Variants in GLCCI1 observed in about 807,000 individuals in gnomAD.
GLCCI1 encodes glucocorticoid induced 1.
A neutral mutation model predicts 52.2 loss-of-function variants in GLCCI1; 24 were observed. The observed-to-expected ratio is 0.46, with a 90% CI of 0.33 to 0.65. The LOEUF (loss-of-function observed/expected upper bound fraction) is 0.65, where lower values mean the gene tolerates loss of function less well. Among genes scored for constraint, GLCCI1 ranks in the 30% least tolerant of loss-of-function variants. The probability of loss-of-function intolerance (pLI) is 0.02; values close to 1 mark genes in which losing one functional copy is unlikely to be tolerated. For missense variants in GLCCI1, 704 were observed against 701.5 expected, an observed-to-expected ratio of 1.00 and a Z score of -0.04; for synonymous variants, 310 against 276.5, an observed-to-expected ratio of 1.12 and a Z score of -1.20.
At chr7:8,085,141 G>A in intron 7 of GLCCI1, 124 bp downstream of exon 7, 1 of 1,076,880 alleles carries the variant, frequency 9.3e-7, no homozygotes, top group Admixed American at 2.6e-5. Flanking sequence ...AGCAAATTAT[G>A]TAAAGAGAAT....
intron 1 of GLCCI1, among the ~76,000 whole-genome samples, chr7:7,998,889 G>GC (rs1193426686): frequency 4.0e-5 from 6 of 151,870 alleles, no homozygotes; most frequent in South Asian, 2.1e-4. Flanking sequence ...ATAGGTTGTT[G>GC]CCCCCCAAAA....
intron 5 of GLCCI1, among the ~76,000 whole-genome samples, chr7:8,065,901 G>A (rs1187158493): frequency 6.6e-6 from 1 of 152,148 alleles, no homozygotes; most frequent in East Asian, 1.9e-4. Flanking sequence ...GTATCAGGAT[G>A]ATGTTATCCT....
At position 7,988,359 on chromosome 7, in the gene GLCCI1, A is replaced by G. The variant is rs1043427779; in HGVS notation, c.458-15549A>G. On this transcript the variant is annotated intron_variant, in intron 1 of 7. Transcript: ENST00000223145. ...AGATACTTAGTATCATCAGTGTGAA[A>G]TTACATACCACCTTGCTTTGACAAA... Among the ~76,000 whole-genome samples the G allele has an allele frequency of 2.0e-5, 3 of 152,150 alleles. No individual in the cohort carries two copies. The East Asian group carries it at 5.8e-4, about 29-fold the overall frequency.
At position 8,086,092 on chromosome 7, in the gene GLCCI1, A is replaced by C. The variant is rs979609692; in HGVS notation, c.1299-101A>C. On this transcript the variant is annotated intron_variant, in intron 7 of 7. Coordinates refer to ENST00000223145, the MANE Select transcript of GLCCI1 (RefSeq NM_138426.4). The surrounding 1 kb of genome is among the most constrained non-coding windows in gnomAD (Gnocchi z 4.4). ...GTATACACTTAACCCATCTCCTGCC[A>C]TTTACATTTTAGCTGTTTTAGAGAA... is the stretch of plus-strand genomic sequence containing the variant. The C allele has an allele frequency of 1.2e-5, 12 of 994,154 alleles. No homozygotes were observed. Among genetic ancestry groups the C allele is most frequent in the Non-Finnish European group, 1.5e-5 (10 of 668,722 alleles). The allele number at this position is 994,154 out of a possible 1,614,324, so 61.6% of individuals were successfully genotyped here.
chr7:8,069,850 G>A (rs949723576), intron 5 of GLCCI1, among the ~76,000 whole-genome samples: 5 of 152,198 alleles, frequency 3.3e-5, no homozygotes, highest in Admixed American at 3.3e-4. Context: ...ATCAGAGTAA[G>A]AGCAGTAGAC....
chr7:7,986,935 T>G (rs1015252354), intron 1 of GLCCI1, among the ~76,000 whole-genome samples: 2 of 152,084 alleles, frequency 1.3e-5, no homozygotes, highest in East Asian at 1.9e-4. Flanking sequence ...CATGGTGGGG[T>G]TTTTTTGCAT....
intron 1 of GLCCI1, among the ~76,000 whole-genome samples, chr7:7,994,558 C>A (rs1001005425): frequency 2.0e-5 from 3 of 152,156 alleles, no homozygotes; most frequent in Non-Finnish European, 2.9e-5. Flanking sequence ...TAATAACAAC[C>A]TGCTCTTGTA....
At chr7:8,071,220 TTTGTTCAA>T in intron 6 of GLCCI1, 89 bp downstream of exon 6, 1 of 1,027,828 alleles carries the variant, frequency 9.7e-7, no homozygotes, top group Non-Finnish European at 1.4e-6. Flanking sequence ...TTTTTTTTCT[TTTGTTCAA>T]TGGTGACATT....
intron 1 of GLCCI1, among the ~76,000 whole-genome samples, chr7:7,999,565 C>A (rs778229759): frequency 6.6e-6 from 1 of 151,746 alleles, no homozygotes; most frequent in Non-Finnish European, 1.5e-5. Flanking sequence ...TACGATCACG[C>A]CGGTACACTC....
At position 7,969,317 on chromosome 7, in the gene GLCCI1, T is replaced by C; in HGVS notation, c.-34T>C. The C allele has an allele frequency of 7.4e-7, 1 of 1,352,644 alleles. No individual in the cohort carries two copies. The highest frequency in any genetic ancestry group is 9.6e-7 in the Non-Finnish European group (1 of 1,041,232). The allele number at this position is 1,352,644 out of a possible 1,614,324, so 83.8% of individuals were successfully genotyped here. ...GCGCCTCCCGCCCCGCGCCTCCGTG[T>C]CGGCCGGCGGCGTCCAGGGCCCGCA... On this transcript the variant is annotated 5_prime_UTR_variant, in exon 1 of 8. Coordinates refer to ENST00000223145, the MANE Select transcript of GLCCI1 (RefSeq NM_138426.4). The surrounding 1 kb of genome is among the most constrained non-coding windows in gnomAD (Gnocchi z 4.9).
chr7:8,002,654 A>G (rs1443597064), intron 1 of GLCCI1, among the ~76,000 whole-genome samples: 2 of 152,208 alleles, frequency 1.3e-5, no homozygotes, highest in African/African-American at 2.4e-5. Flanking sequence ...TCAATAATAA[A>G]TGTTTCTTCA....
intron 5 of GLCCI1, among the ~76,000 whole-genome samples, chr7:8,062,483 G>T (rs1256809443): frequency 6.6e-6 from 1 of 152,120 alleles, no homozygotes; most frequent in Non-Finnish European, 1.5e-5. Flanking sequence ...TAACTTTTAG[G>T]TTCAAGGGTA....
rs1464055144 is a variant in GLCCI1 at position 7,969,722 on chromosome 7, C to G, written c.372C>G (p.Ala124=). The G allele has an allele frequency of 7.1e-6, 10 of 1,406,338 alleles. No homozygotes were observed. Among genetic ancestry groups the G allele is most frequent in the Non-Finnish European group, 9.3e-6 (10 of 1,077,500 alleles). 87.1% of individuals were successfully genotyped at this position (1,406,338 alleles called of 1,614,324 possible). A position where few individuals can be genotyped will look rare whatever the true frequency, so the allele number is the denominator to read the frequency against. Residue 124 remains alanine (A), a synonymous_variant, in exon 1 of 8, where the codon GCC becomes GCG. Coordinates refer to ENST00000223145, the MANE Select transcript of GLCCI1 (RefSeq NM_138426.4). This position sits in a 1 kb window ranked among gnomAD's most constrained non-coding sequence, Gnocchi z 4.9. ...AAAPAEQAPR[A]KGRPRRSPES... The stretch of plus-strand genomic sequence containing the variant: ...CCCCGGCCGAGCAGGCGCCGCGGGC[C>G]AAGGGCCGCCCGAGACGGTCCCCAG...
chr7:7,989,032 G>C (rs966744653), intron 1 of GLCCI1, among the ~76,000 whole-genome samples: 1 of 152,074 alleles, frequency 6.6e-6, no homozygotes, highest in Non-Finnish European at 1.5e-5. Flanking sequence ...CTCTGACCAA[G>C]GTCCTAATGG....
chr7:8,071,058 C>G lies in GLCCI1; in HGVS notation c.1104C>G (p.Ser368=). 1.2e-6 allele frequency: 2 copies of G among 1,614,214 alleles called. No individual in the cohort carries two copies. The highest frequency in any genetic ancestry group is 2.2e-5 in the South Asian group (2 of 91,074). ...SSCSSHSPCV[S]PFCPPESQDG... is the part of the protein sequence containing the mutation. ...GCAGCAGTCATTCACCCTGTGTCTC[C>G]CCTTTTTGTCCCCCGGAATCCCAGG... The change falls in exon 6 of 8, where the codon TCC becomes TCG. Residue 368 remains serine, a synonymous_variant. Transcript: ENST00000223145.
chr7:8,040,487 C>T (rs1781973299), intron 3 of GLCCI1, among the ~76,000 whole-genome samples: 1 of 148,726 alleles, frequency 6.7e-6, no homozygotes, highest in African/African-American at 2.5e-5. Flanking sequence ...AAGACCCTGA[C>T]TCAAAAAAAA....
At chr7:8,058,347 TG>T (rs1010307049) in intron 4 of GLCCI1, among the ~76,000 whole-genome samples, 9 of 152,214 alleles carry the variant, frequency 5.9e-5, no homozygotes, top group Non-Finnish European at 1.3e-4. Flanking sequence ...ATGTACAAAT[TG>T]TTTTGCATTC....
intron 3 of GLCCI1, among the ~76,000 whole-genome samples, chr7:8,045,933 C>A (rs1782113899): frequency 6.7e-6 from 1 of 149,298 alleles, no homozygotes. Flanking sequence ...TCATTTACAT[C>A]TGAGGAAATG....
chr7:8,009,590 C>T (rs1170110571), intron 2 of GLCCI1, among the ~76,000 whole-genome samples: 1 of 152,164 alleles, frequency 6.6e-6, no homozygotes, highest in East Asian at 1.9e-4. Flanking sequence ...CTTTAAAGAA[C>T]TGGTGCATTC....
Sources: allele counts gnomAD v4.1 joint callset (sites outside exome capture counted in the v4.1 genomes callset), GRCh38; gene constraint gnomAD v4.1.1; non-coding constraint Gnocchi (gnomAD v3.1); transcripts MANE v1.5; gene names NCBI Gene and HGNC (gene_info 2026-07-23, HGNC 2026-07-21).